The following AP3D1 variants were observed in gnomAD, a reference collection of about 807,000 sequenced individuals.
AP3D1 encodes AP-3 complex subunit delta-1.
A neutral mutation model predicts 147.6 loss-of-function variants in AP3D1; 51 were observed. The ratio of observed to expected loss-of-function variants is 0.35; its 90% confidence interval spans 0.28 to 0.44. The LOEUF (loss-of-function observed/expected upper bound fraction) is 0.44, where lower values mean the gene tolerates loss of function less well. Ranked by LOEUF, AP3D1 falls within the 20% of genes least tolerant of loss-of-function variation. AP3D1 has a pLI of 1.00. For synonymous variants in AP3D1, 760 were observed against 663.0 expected (o/e 1.15, Z -2.25); for missense variants, 1,421 against 1,624.2 (o/e 0.87, Z 2.15).
chr19:2,151,269 G>A lies in AP3D1; in HGVS notation c.66C>T (p.Val22=), dbSNP rs759495744. 10 of 1,611,904 alleles carry A rather than the reference G, an allele frequency of 6.2e-6. No individual in the cohort carries two copies. The highest frequency in any genetic ancestry group is 1.1e-5 in the South Asian group (1 of 90,894). The change falls in exon 1 of 32, where the codon GTC becomes GTT. Residue 22 remains valine (V), a synonymous_variant. Coordinates refer to ENST00000643116, the MANE Select transcript of AP3D1 (RefSeq NM_001261826.3). The part of the protein sequence containing the change: ...RMFDKNLQDL[V]RGIRNHKEDE... The stretch of plus-strand genomic sequence containing the variant: ...CCTCCTTGTGGTTACGGATGCCGCG[G>A]ACCAAGTCCTGCAGATTCTTGTCGA...
At chr19:2,108,323 C>T (rs1246402975) in intron 31 of AP3D1, among the ~76,000 whole-genome samples, 6 of 152,182 alleles carry the variant, frequency 3.9e-5, no homozygotes, top group South Asian at 2.1e-4. Flanking sequence ...AGGCCCGGAG[C>T]GGAGGGAGCG....
intron 4 of AP3D1, among the ~76,000 whole-genome samples, chr19:2,135,597 A>G (rs565625957): frequency 1.2e-4 from 19 of 152,194 alleles, no homozygotes; most frequent in African/African-American, 3.4e-4. Context: ...GAAGCACGTG[A>G]TCCTACACAG....
Position 2,110,847 on chromosome 19 carries a change from G to A in AP3D1, c.3035C>T (p.Ala1012Val), listed in dbSNP as rs2145016345. The change falls in exon 27 of 32, where the codon GCC becomes GTC. Residue 1012 changes from alanine (A) to valine (V), a missense_variant. This residue lies in a region of AP3D1 where 791 missense variants were observed against 761.4 expected (regional missense o/e 1.04). Coordinates refer to ENST00000643116, the MANE Select transcript of AP3D1 (RefSeq NM_001261826.3). Reference sequence around the variant, plus strand: ...GCTGCTCCTGTTCTCCAGCACGATGGCCACAGTGACCTGGCTGTCCTCCTG... The same window carrying A: ...GCTGCTCCTGTTCTCCAGCACGATGACCACAGTGACCTGGCTGTCCTCCTG... The part of the protein sequence containing the change: ...SLQEDSQVTV[A>V]IVLENRSSSI... 6.2e-7 allele frequency: 1 copy of A among 1,613,584 alleles called. No individual in the cohort carries two copies. The highest frequency in any genetic ancestry group is 8.5e-7 in the Non-Finnish European group (1 of 1,179,984).
At chr19:2,127,785 C>T (rs2018799061) in intron 8 of AP3D1, among the ~76,000 whole-genome samples, 1 of 152,226 alleles carries the variant, frequency 6.6e-6, no homozygotes, top group African/African-American at 2.4e-5. Context: ...CCTTGGCCTC[C>T]CAAAGCGCTG....
chr19:2,129,998 C>A (rs2018891396), intron 6 of AP3D1, among the ~76,000 whole-genome samples: 1 of 152,238 alleles, frequency 6.6e-6, no homozygotes, highest in Admixed American at 6.5e-5. Flanking sequence ...CTCAGTGAAA[C>A]TGAATCTGCA....
intron 31 of AP3D1, among the ~76,000 whole-genome samples, chr19:2,104,782 C>A (rs2018065382): frequency 1.3e-5 from 2 of 151,800 alleles, no homozygotes; most frequent in African/African-American, 4.8e-5. Flanking sequence ...TCCTCCCACC[C>A]CAGCCTCCCA....
At chr19:2,153,777 G>A (rs2019623289), upstream of AP3D1, among the ~76,000 whole-genome samples, 1 of 152,166 alleles carries the variant, frequency 6.6e-6, no homozygotes, top group Admixed American at 6.6e-5. Context: ...GAATCGCTGG[G>A]TAATAGAATA....
In AP3D1 at chr19:2,108,678, G is replaced by C; in HGVS notation, c.3552+9C>G. On this transcript the variant is annotated intron_variant, in intron 31 of 31. Coordinates refer to ENST00000643116, the MANE Select transcript of AP3D1 (RefSeq NM_001261826.3). ...GGAGCCAGGGTGTGCACAGCAGCCC[G>C]AGGCTCACCTTTTTCACCAGGAGGC... The C allele has an allele frequency of 1.9e-6, 3 of 1,571,358 alleles. No homozygotes were observed. Among genetic ancestry groups the C allele is most frequent in the Non-Finnish European group, 2.6e-6 (3 of 1,158,550 alleles).
Position 2,113,405 on chromosome 19 carries a change from G to C in AP3D1, c.2610C>G (p.Asp870Glu). The change falls in exon 23 of 32, where the codon GAC (aspartate) becomes GAG (glutamate). Residue 870 changes from aspartate to glutamate, a missense_variant. Around this residue, in one of 6 missense-constraint regions of AP3D1, gnomAD observed 791 missense variants for 761.4 expected, o/e 1.04. Transcript: ENST00000643116. ...KKKEKEKKAE[D>E]LDFWLSTTPP... ...GGGTGGTAGACAGCCAGAAGTCCAG[G>C]TCCTCAGCCTGAAACCACAAGACAG... is the stretch of plus-strand genomic sequence containing the variant. 1 of 1,472,862 alleles carries C rather than the reference G, an allele frequency of 6.8e-7. No homozygotes were observed. The highest frequency in any genetic ancestry group is 9.0e-7 in the Non-Finnish European group (1 of 1,113,894). 91.2% of individuals were successfully genotyped at this position (1,472,862 alleles called of 1,614,324 possible). A position where few individuals can be genotyped will look rare whatever the true frequency, so the allele number is the denominator to read the frequency against.
chr19:2,108,089 G>A (rs1204815721), intron 31 of AP3D1, among the ~76,000 whole-genome samples: 1 of 152,158 alleles, frequency 6.6e-6, no homozygotes, highest in Non-Finnish European at 1.5e-5. Context: ...TTCTAAGGAA[G>A]AAATGCCACT....
chr19:2,132,612 T>C (rs755600193), intron 4 of AP3D1, 34 bp from the exon 5 acceptor site: 1 of 1,576,590 alleles, frequency 6.3e-7, no homozygotes, highest in South Asian at 1.1e-5. Flanking sequence ...GTGGCCAGGA[T>C]GCCCTGGGTG....
upstream of AP3D1, among the ~76,000 whole-genome samples, chr19:2,153,026 C>T (rs1360261305): frequency 7.4e-6 from 1 of 135,218 alleles, no homozygotes; most frequent in African/African-American, 2.8e-5. Context: ...AGATAAAGGA[C>T]AGCTAGAGCA....
At chr19:2,117,413 A>G (rs1056955545) in intron 15 of AP3D1, 46 bp from the exon 16 acceptor site, 14 of 1,516,304 alleles carry the variant, frequency 9.2e-6, no homozygotes, top group African/African-American at 1.4e-5. Context: ...CCGGAAGGCC[A>G]CTCGGCCACC....
intron 4 of AP3D1, among the ~76,000 whole-genome samples, chr19:2,133,835 C>A (rs901327647): frequency 6.8e-6 from 1 of 148,028 alleles, no homozygotes; most frequent in Non-Finnish European, 1.5e-5. Context: ...AGTGGCCGTG[C>A]GCGGTGGCTC....
intron 1 of AP3D1, among the ~76,000 whole-genome samples, chr19:2,158,675 C>T (rs2019669263): frequency 6.6e-6 from 1 of 151,588 alleles, no homozygotes; most frequent in Non-Finnish European, 1.5e-5. Flanking sequence ...GCGCAATCCG[C>T]TTACTGCAAC....
At chr19:2,157,965 T>C (rs1473125465) in intron 1 of AP3D1, among the ~76,000 whole-genome samples, 1 of 152,162 alleles carries the variant, frequency 6.6e-6, no homozygotes, top group African/African-American at 2.4e-5. Flanking sequence ...AAAGGACACA[T>C]TAGACATCAT....
At chr19:2,163,059 AAATT>A (rs952011488) in intron 1 of AP3D1, among the ~76,000 whole-genome samples, 25 of 147,074 alleles carry the variant, frequency 1.7e-4, no homozygotes, top group South Asian at 4.2e-4. Context: ...TAGTTTAATT[AAATT>A]AATTAATTAA....
In AP3D1 at chr19:2,121,773, C is replaced by T. The variant is rs2018619119; in HGVS notation, c.1062G>A (p.Glu354=). Residue 354 remains glutamate (E), a synonymous_variant, in exon 12 of 32, where the codon GAG becomes GAA. Transcript: ENST00000643116. ...GGTCCAGGGCCCGCAGCCGGATGGA[C>T]TCGTCCTTGTCGTCCAGGCACTGCA... ...LILQCLDDKD[E]SIRLRALDLL... 6.2e-7 allele frequency: 1 copy of T among 1,612,368 alleles called. No individual in the cohort carries two copies.
At chr19:2,163,059 A>AAATT (rs952011488) in intron 1 of AP3D1, among the ~76,000 whole-genome samples, 15 of 146,954 alleles carry the variant, frequency 1.0e-4, no homozygotes, top group African/African-American at 2.2e-4. Flanking sequence ...TAGTTTAATT[A>AAATT]AATTAATTAA....
Sources: allele counts gnomAD v4.1 joint callset (sites outside exome capture counted in the v4.1 genomes callset), GRCh38; gene constraint gnomAD v4.1.1; regional missense constraint gnomAD v4.1.1; transcripts MANE v1.5; gene names NCBI Gene and HGNC (gene_info 2026-07-23, HGNC 2026-07-21).